IGF1R: variants seen among roughly 807,000 people sequenced by gnomAD.
IGF1R encodes the protein insulin-like growth factor 1 receptor.
IGF1R carries 44 observed loss-of-function variants against 144.6 expected under a neutral mutation model. The ratio of observed to expected loss-of-function variants is 0.30; its 90% confidence interval spans 0.24 to 0.39. The LOEUF (loss-of-function observed/expected upper bound fraction) is 0.39. Among genes scored for constraint, IGF1R ranks in the 10% least tolerant of loss-of-function variants. The probability of loss-of-function intolerance (pLI) is 1.00; values close to 1 mark genes in which losing one functional copy is unlikely to be tolerated. For synonymous variants in IGF1R, 795 were observed against 722.8 expected, an observed-to-expected ratio of 1.10 and a Z score of -1.60; for missense variants, 1,355 against 1,833.7, an observed-to-expected ratio of 0.74 and a Z score of 4.77.
intron 2 of IGF1R, among the ~76,000 whole-genome samples, chr15:98,783,978 T>C (rs917988322): frequency 8.0e-6 from 1 of 124,452 alleles, no homozygotes; most frequent in Non-Finnish European, 1.7e-5. Flanking sequence ...TTTTTTTTTT[T>C]TTTTTTTTTT....
At chr15:98,666,672 G>A (rs542776908) in intron 1 of IGF1R, among the ~76,000 whole-genome samples, 5 of 152,206 alleles carry the variant, frequency 3.3e-5, no homozygotes, top group Admixed American at 2.0e-4. Context: ...CCTTACGTGA[G>A]CTATGTAGAG....
At chr15:98,696,491 G>A (rs140716431) in intron 1 of IGF1R, among the ~76,000 whole-genome samples, 1 of 152,340 alleles carries the variant, frequency 6.6e-6, no homozygotes, top group African/African-American at 2.4e-5. Flanking sequence ...TGTAGACCAA[G>A]TATGTGTTCC....
intron 2 of IGF1R, among the ~76,000 whole-genome samples, chr15:98,723,723 G>C (rs988861943): frequency 6.6e-6 from 1 of 152,168 alleles, no homozygotes; most frequent in Non-Finnish European, 1.5e-5. Context: ...TAACATCCCC[G>C]GGCCTGGAAG....
chr15:98,776,858 C>T (rs775457630), intron 2 of IGF1R, among the ~76,000 whole-genome samples: 8 of 152,188 alleles, frequency 5.3e-5, no homozygotes, highest in East Asian at 1.9e-4. Flanking sequence ...TCCGGAGGGG[C>T]GGCTGGATTT....
At chr15:98,767,955 G>T (rs1331336830) in intron 2 of IGF1R, among the ~76,000 whole-genome samples, 1 of 152,164 alleles carries the variant, frequency 6.6e-6, no homozygotes. Flanking sequence ...CAAAATAATA[G>T]AAGGTCCCAG....
At chr15:98,669,423 G>A (rs1289418136) in intron 1 of IGF1R, among the ~76,000 whole-genome samples, 1 of 151,974 alleles carries the variant, frequency 6.6e-6, no homozygotes, top group African/African-American at 2.4e-5. Flanking sequence ...CCCTTTTCTT[G>A]CCACCCTGGG....
Position 98,922,350 on chromosome 15 carries a change from G to A in IGF1R, c.2404G>A (p.Asp802Asn), listed in dbSNP as rs2015526410. 3 of 1,614,040 alleles carry A rather than the reference G, an allele frequency of 1.9e-6. No homozygotes were observed. The highest frequency in any genetic ancestry group is 1.3e-5 in the African/African-American group (1 of 74,918). The change falls in exon 11 of 21, where the codon GAT (aspartate) becomes AAT (asparagine). Residue 802 changes from aspartate (D) to asparagine (N), a missense_variant. This residue lies in a region of IGF1R where 880 missense variants were observed against 1,202.7 expected (regional missense o/e 0.73). Coordinates refer to ENST00000650285, the MANE Select transcript of IGF1R (RefSeq NM_000875.5). ...NLRPFTLYRI[D>N]IHSCNHEAEK... ...TCGGCCTTTCACATTGTACCGCATC[G>A]ATATCCACAGCTGCAACCACGAGGC...
intron 2 of IGF1R, among the ~76,000 whole-genome samples, chr15:98,744,776 T>G (rs375274927): frequency 9.2e-5 from 14 of 151,830 alleles, no homozygotes; most frequent in African/African-American, 3.1e-4. Flanking sequence ...TTTTTTTTTC[T>G]TTTGGCGTTT....
At chr15:98,686,823 A>G (rs2053341604) in intron 1 of IGF1R, among the ~76,000 whole-genome samples, 2 of 152,082 alleles carry the variant, frequency 1.3e-5, no homozygotes, top group Admixed American at 1.3e-4. Flanking sequence ...TTCCTGCGCC[A>G]TCACTCCTGG....
chr15:98,887,649 G>A (rs1425110851), intron 2 of IGF1R, among the ~76,000 whole-genome samples: 1 of 152,170 alleles, frequency 6.6e-6, no homozygotes, highest in African/African-American at 2.4e-5. Flanking sequence ...CTCCAAGATG[G>A]GTGTATGCTT....
chr15:98,705,272 G>C (rs965614105), intron 1 of IGF1R, among the ~76,000 whole-genome samples: 9 of 152,142 alleles, frequency 5.9e-5, no homozygotes, highest in Admixed American at 2.0e-4. Context: ...GTGACACTTC[G>C]ACAGTGTCAC....
chr15:98,758,306 G>A (rs10794486), intron 2 of IGF1R, among the ~76,000 whole-genome samples: 90,233 of 151,516 alleles, frequency 0.6, 28,543 homozygotes, highest in Non-Finnish European at 0.7. Context: ...TTCTTGGTTC[G>A]ATTAGTTCTG....
At chr15:98,911,925 T>C (rs1302988330) in intron 7 of IGF1R, among the ~76,000 whole-genome samples, 1 of 152,184 alleles carries the variant, frequency 6.6e-6, no homozygotes, top group Middle Eastern at 3.2e-3. Context: ...CTCTAGGTCA[T>C]GAGCCTTCCA....
Position 98,962,669 on chromosome 15 carries a change from C to CAGAGA in IGF1R, c.*5232_*5236dup. On this transcript the variant is annotated 3_prime_UTR_variant, in exon 21 of 21. Coordinates refer to ENST00000650285, the MANE Select transcript of IGF1R (RefSeq NM_000875.5). The stretch of plus-strand genomic sequence containing the variant: ...AACCATTGTCACAGGGATCCTGGCA[C>CAGAGA]AGAGAAGAGTTACGAGCAGCAGGGT... The CAGAGA allele has an allele frequency of 4.3e-6, 1 of 233,788 alleles. No homozygotes were observed. The highest frequency in any genetic ancestry group is 8.5e-6 in the Non-Finnish European group (1 of 118,138). 14.5% of individuals were successfully genotyped at this position (233,788 alleles called of 1,614,324 possible).
At chr15:98,849,189 A>G (rs1452047506) in intron 2 of IGF1R, among the ~76,000 whole-genome samples, 1 of 152,234 alleles carries the variant, frequency 6.6e-6, no homozygotes, top group Non-Finnish European at 1.5e-5. Context: ...CAATAGATGA[A>G]GAGACAGACC....
intron 2 of IGF1R, among the ~76,000 whole-genome samples, chr15:98,752,662 C>T (rs929944129): frequency 6.8e-6 from 1 of 148,104 alleles, no homozygotes; most frequent in African/African-American, 2.5e-5. Context: ...CCAGCCTGGG[C>T]GACAGAGCGA....
chr15:98,676,129 C>G (rs1037675264), intron 1 of IGF1R, among the ~76,000 whole-genome samples: 5 of 151,880 alleles, frequency 3.3e-5, no homozygotes, highest in Non-Finnish European at 5.9e-5. Context: ...TGCGCCCAGC[C>G]TAGAGACTCT....
At chr15:98,854,512 G>A (rs1383141116) in intron 2 of IGF1R, among the ~76,000 whole-genome samples, 1 of 152,118 alleles carries the variant, frequency 6.6e-6, no homozygotes. Context: ...CCCTTCATAT[G>A]AGCTTTGTAA....
intron 2 of IGF1R, among the ~76,000 whole-genome samples, chr15:98,739,288 G>A (rs2054682684): frequency 6.6e-6 from 1 of 152,092 alleles, no homozygotes; most frequent in African/African-American, 2.4e-5. Context: ...CTCTGTTGAC[G>A]GTCTAGTCTT....
Sources: allele counts gnomAD v4.1 joint callset (sites outside exome capture counted in the v4.1 genomes callset), GRCh38; gene constraint gnomAD v4.1.1; regional missense constraint gnomAD v4.1.1; transcripts MANE v1.5; gene names NCBI Gene and HGNC (gene_info 2026-07-23, HGNC 2026-07-21).